The following JAK3 variants were observed in gnomAD, a reference collection of about 807,000 sequenced individuals.
JAK3 encodes the protein Janus kinase 3.
In JAK3, 88 loss-of-function variants were observed where a neutral mutation model predicts 120.8. That is an observed-to-expected ratio of 0.73 (90% CI 0.61 to 0.87). The LOEUF (loss-of-function observed/expected upper bound fraction) is 0.87, where lower values mean the gene tolerates loss of function less well. Among genes scored for constraint, JAK3 ranks in the 40% least tolerant of loss-of-function variants. The pLI is 0.00. For synonymous variants in JAK3, 592 were observed against 628.6 expected (o/e 0.94, Z 0.87); for missense variants, 1,254 against 1,501.4 (o/e 0.84, Z 2.72).
rs749079957 is a variant in JAK3 at position 17,839,679 on chromosome 19, GC to G, written c.1255-17del. 4.4e-6 allele frequency: 7 copies of G among 1,600,038 alleles called. No homozygotes were observed. The highest frequency in any genetic ancestry group is 6.0e-6 in the Non-Finnish European group (7 of 1,173,016). On this transcript the variant is annotated splice_polypyrimidine_tract_variant and intron_variant, in intron 9 of 23. Transcript: ENST00000458235. Reference sequence around the variant, plus strand: ...CAAGGGGGTTCTGCAAAGAAGAGTGGCCCCTGAGTGGGACTGAGCGACAGAC... The same window carrying G: ...CAAGGGGGTTCTGCAAAGAAGAGTGGCCCTGAGTGGGACTGAGCGACAGAC...
rs1393700680 is a variant in JAK3, at chr19:17,843,751, C to T, written c.308+26G>A. The T allele has an allele frequency of 6.2e-7, 1 of 1,612,568 alleles. No individual in the cohort carries two copies. The highest frequency in any genetic ancestry group is 2.2e-5 in the East Asian group (1 of 44,882). ...AAGGAGATGATAAAATTGTACAATC[C>T]CTGGGGGCTGGGGGGCACTTCCTAC... is the stretch of plus-strand genomic sequence containing the variant. On this transcript the variant is annotated intron_variant, in intron 3 of 23. Coordinates refer to ENST00000458235, the MANE Select transcript of JAK3 (RefSeq NM_000215.4). This position sits in a 1 kb window ranked among gnomAD's most constrained non-coding sequence, Gnocchi z 5.4.
chr19:17,847,805 C>G (rs1766495262), intron 1 of JAK3, 141 bp downstream of exon 1: 1 of 230,744 alleles, frequency 4.3e-6, no homozygotes, highest in South Asian at 1.7e-4. Flanking sequence ...CGGCTCACGT[C>G]TGCCTCGCAG....
In JAK3 at chr19:17,843,675, T is replaced by A. The variant is rs2094245389; in HGVS notation, c.308+102A>T. ...CTGGTCTGTTTCCTCATCTGAGAAA[T>A]GGGTAGTGACCATACCTCCCTGGGG... is the stretch of plus-strand genomic sequence containing the variant. On this transcript the variant is annotated intron_variant, in intron 3 of 23. Coordinates refer to ENST00000458235, the MANE Select transcript of JAK3 (RefSeq NM_000215.4). This position sits in a 1 kb window ranked among gnomAD's most constrained non-coding sequence, Gnocchi z 5.4. The A allele has an allele frequency of 6.9e-7, 1 of 1,439,242 alleles. No homozygotes were observed. The highest frequency in any genetic ancestry group is 1.1e-5 in the South Asian group (1 of 87,248). The allele number at this position is 1,439,242 out of a possible 1,614,324, so 89.2% of individuals were successfully genotyped here. A position where few individuals can be genotyped will look rare whatever the true frequency, so the allele number is the denominator to read the frequency against.
In JAK3 at chr19:17,841,686, C is replaced by T. The variant is rs200319694; in HGVS notation, c.938G>A (p.Gly313Glu). Residue 313 changes from glycine (G) to glutamate (E), a missense_variant, in exon 7 of 24, where the codon GGA becomes GAA. Coordinates refer to ENST00000458235, the MANE Select transcript of JAK3 (RefSeq NM_000215.4). This position sits in a 1 kb window ranked among gnomAD's most constrained non-coding sequence, Gnocchi z 4.1. ...GGTAACAGTGACCAGGCGGTGCTCT[C>T]CGGCCGGGCCAACGCGCGGGGCCTG... Reference protein sequence around the residue: ...IKQAPRVGPAGEHRLVTVTRT... With the variant: ...IKQAPRVGPAEEHRLVTVTRT... The T allele has an allele frequency of 1.8e-4, 285 of 1,613,882 alleles. No individual in the cohort carries two copies. In the South Asian group the frequency reaches 3.0e-3, roughly 17 times the overall value.
rs1304995414 is a variant in JAK3, at chr19:17,837,121, G to C, written c.1786+8C>G. On this transcript the variant is annotated splice_region_variant and intron_variant, in intron 13 of 23. Transcript: ENST00000458235. ...CAGGGGTGGGGTGGGTGGGTGGGGG[G>C]CTCTCACTGTCTCCAGCCATGCACA... 1.3e-6 allele frequency: 2 copies of C among 1,541,394 alleles called. No homozygotes were observed. The highest frequency in any genetic ancestry group is 2.0e-5 in the Admixed American group (1 of 51,148).
chr19:17,846,649 A>G (rs1020131438), intron 1 of JAK3, among the ~76,000 whole-genome samples: 1 of 152,188 alleles, frequency 6.6e-6, no homozygotes, highest in African/African-American at 2.4e-5. Flanking sequence ...CAGTCGCACG[A>G]TCTTGGCTCA....
intron 22 of JAK3, 112 bp downstream of exon 22, chr19:17,830,391 T>G: frequency 1.0e-6 from 1 of 978,612 alleles, no homozygotes; most frequent in Admixed American, 2.0e-5. Flanking sequence ...CCTATGATGC[T>G]GGGACCAGGT....
In JAK3 at chr19:17,840,493, G is replaced by T. The variant is rs146933826; in HGVS notation, c.1143-152C>A. On this transcript the variant is annotated intron_variant, in intron 8 of 23. Coordinates refer to ENST00000458235, the MANE Select transcript of JAK3 (RefSeq NM_000215.4). ...TAAAATCAGCCATGGGCCAGGCGCCGTGGCTCACGCCTGTAATCCCAGCAT... is the reference window on the plus strand; with the variant it reads ...TAAAATCAGCCATGGGCCAGGCGCCTTGGCTCACGCCTGTAATCCCAGCAT... 6 of 645,424 alleles carry T rather than the reference G, an allele frequency of 9.3e-6. No homozygotes were observed. The Admixed American group carries it at 1.2e-4, about 13-fold the overall frequency. The allele number at this position is 645,424 out of a possible 1,614,324, so 40.0% of individuals were successfully genotyped here. A position where few individuals can be genotyped will look rare whatever the true frequency, so the allele number is the denominator to read the frequency against.
At chr19:17,847,901 T>TC (rs1295049571) in intron 1 of JAK3, 45 bp downstream of exon 1, 2 of 598,416 alleles carry the variant, frequency 3.3e-6, no homozygotes, top group Non-Finnish European at 4.3e-6. Flanking sequence ...ACCACCATCC[T>TC]CCCCCAGTGT....
At chr19:17,839,688 T>C in intron 9 of JAK3, 25 bp from the exon 10 acceptor site, 1 of 1,585,096 alleles carries the variant, frequency 6.3e-7, no homozygotes, top group Non-Finnish European at 8.6e-7. Flanking sequence ...GGCCCCTGAG[T>C]GGGACTGAGC....
chr19:17,843,927 C>T lies in JAK3; in HGVS notation c.185-27G>A, dbSNP rs981304564. 1.9e-6 allele frequency: 3 copies of T among 1,612,910 alleles called. No homozygotes were observed. Among genetic ancestry groups the T allele is most frequent in the African/African-American group, 1.3e-5 (1 of 74,990 alleles). ...TACAGGGGATGGTCCCATCAGCTCC[C>T]TCCTGAGTCACCCCATCTGTGCCCT... On this transcript the variant is annotated intron_variant, in intron 2 of 23. Coordinates refer to ENST00000458235, the MANE Select transcript of JAK3 (RefSeq NM_000215.4). This position sits in a 1 kb window ranked among gnomAD's most constrained non-coding sequence, Gnocchi z 5.4.
rs1252062603 is a variant in JAK3 at position 17,838,313 on chromosome 19, G to C, written c.1519C>G (p.Gln507Glu). 5 of 1,613,984 alleles carry C rather than the reference G, an allele frequency of 3.1e-6. No homozygotes were observed. In the South Asian group the frequency reaches 4.4e-5, roughly 14 times the overall value. ...TTGTGAAATGTCATCTGACTCAGCT[G>C]GTATTGGGATTGGGGCTGAACCAAG... Reference protein sequence around the residue: ...SSLVQPQSQYQLSQMTFHKIP... With the variant: ...SSLVQPQSQYELSQMTFHKIP... Residue 507 changes from glutamine to glutamate, a missense_variant, in exon 11 of 24, where the codon CAG becomes GAG. Transcript: ENST00000458235.
intron 1 of JAK3, among the ~76,000 whole-genome samples, chr19:17,846,169 G>C (rs548977057): frequency 6.6e-6 from 1 of 152,120 alleles, no homozygotes; most frequent in Non-Finnish European, 1.5e-5. Flanking sequence ...CTCAGCTTTC[G>C]CAGCTGTGAA....
At chr19:17,840,893 C>T (rs777290348) in intron 8 of JAK3, among the ~76,000 whole-genome samples, 15 of 152,116 alleles carry the variant, frequency 9.9e-5, no homozygotes, top group Non-Finnish European at 1.5e-4. Context: ...TCTCAGCTCA[C>T]TGCAGCCTCC....
rs757920411 is a variant in JAK3, at chr19:17,826,810, C to T, written c.3308G>A (p.Arg1103Gln). ...PQLDMLWSGS[R>Q]GCETHAFTAH... ...AGTGAAGGCATGAGTCTCACACCCC[C>T]GGCTTCCGCTCCACAGCATGTCCAG... Residue 1103 changes from arginine (R) to glutamine (Q), a missense_variant, in exon 24 of 24, where the codon CGG (arginine) becomes CAG (glutamine). Coordinates refer to ENST00000458235, the MANE Select transcript of JAK3 (RefSeq NM_000215.4). 20 of 1,613,976 alleles carry T rather than the reference C, an allele frequency of 1.2e-5. No homozygotes were observed. The East Asian group carries it at 1.8e-4, about 14-fold the overall frequency.
chr19:17,842,272 C>T lies in JAK3; in HGVS notation c.861+44G>A. On this transcript the variant is annotated intron_variant, in intron 6 of 23. Transcript: ENST00000458235. This position sits in a 1 kb window ranked among gnomAD's most constrained non-coding sequence, Gnocchi z 6.4. Reference sequence around the variant, plus strand: ...CCACTCTCCGGCCCCTCCCCGAGCCCCGCCCCCACGTTGGCCCCGCCCAGC... The same window carrying T: ...CCACTCTCCGGCCCCTCCCCGAGCCTCGCCCCCACGTTGGCCCCGCCCAGC... 2 of 1,474,228 alleles carry T rather than the reference C, an allele frequency of 1.4e-6. No homozygotes were observed. Among genetic ancestry groups the T allele is most frequent in the Non-Finnish European group, 1.8e-6 (2 of 1,112,040 alleles). The allele number at this position is 1,474,228 out of a possible 1,614,324, so 91.3% of individuals were successfully genotyped here.
chr19:17,834,780 C>A (rs2094220888), intron 16 of JAK3, 59 bp from the exon 17 acceptor site: 1 of 1,613,880 alleles, frequency 6.2e-7, no homozygotes. Context: ...CCAATCTCCC[C>A]AGACTGGATG....
chr19:17,837,283 C>T, intron 12 of JAK3, 70 bp from the exon 13 acceptor site: 2 of 1,264,086 alleles, frequency 1.6e-6, no homozygotes, highest in Non-Finnish European at 2.3e-6. Context: ...ATTTTGTGCT[C>T]ACAGACCTGC....
chr19:17,832,953 G>T lies in JAK3; in HGVS notation c.2351-24C>A, dbSNP rs780085876. On this transcript the variant is annotated intron_variant, in intron 17 of 23. Transcript: ENST00000458235. This position sits in a 1 kb window ranked among gnomAD's most constrained non-coding sequence, Gnocchi z 4.7. ...GTCTGGGGTGGGGGCATGGGCAGTG[G>T]TAAGCAGCGCCTCTCATCCTGGGCC... is the stretch of plus-strand genomic sequence containing the variant. The T allele has an allele frequency of 1.2e-6, 2 of 1,604,756 alleles. No individual in the cohort carries two copies. Among genetic ancestry groups the T allele is most frequent in the African/African-American group, 1.3e-5 (1 of 74,734 alleles).
Sources: gnomAD v4.1 joint callset for allele counts (sites outside exome capture counted in the v4.1 genomes callset) on GRCh38, gnomAD v4.1.1 for gene constraint, Gnocchi (gnomAD v3.1) non-coding constraint, MANE v1.5 for transcripts, NCBI Gene and HGNC (gene_info 2026-07-23, HGNC 2026-07-21) for gene names.